The following RERE variants were observed in gnomAD, a reference collection of about 807,000 sequenced individuals.
RERE encodes the protein arginine-glutamic acid dipeptide repeats, also known as arginine-glutamic acid dipeptide repeats protein.
Under a neutral mutation model 146.1 loss-of-function variants are expected in RERE, and 40 were observed. The ratio of observed to expected loss-of-function variants is 0.27; its 90% CI spans 0.21 to 0.36. The LOEUF is 0.36. RERE is among the 10% of genes least tolerant of loss of function. RERE has a pLI of 1.00. For synonymous variants in RERE, 1,003 were observed against 866.0 expected (o/e 1.16, Z -2.78); for missense variants, 1,933 against 2,138.7 (o/e 0.90, Z 1.90).
At chr1:8,711,116 C>T (rs556984409) in intron 1 of RERE, among the ~76,000 whole-genome samples, 1 of 121,964 alleles carries the variant, frequency 8.2e-6, no homozygotes, top group Non-Finnish European at 1.6e-5. Context: ...CAGATCGAGC[C>T]ACTGCACTCC....
At chr1:8,417,426 T>C (rs1044723138) in intron 12 of RERE, among the ~76,000 whole-genome samples, 2 of 152,192 alleles carry the variant, frequency 1.3e-5, no homozygotes, top group Admixed American at 1.3e-4. Context: ...TTTATTAAAT[T>C]AAAAATTTAA....
At chr1:8,813,136 T>TA (rs940365031) in intron 1 of RERE, among the ~76,000 whole-genome samples, 12 of 152,136 alleles carry the variant, frequency 7.9e-5, no homozygotes, top group Non-Finnish European at 1.2e-4. Flanking sequence ...TTCCTGGTAG[T>TA]AAAAAAAGAA....
chr1:8,485,152 G>A (rs1323698416), intron 10 of RERE, among the ~76,000 whole-genome samples: 1 of 152,106 alleles, frequency 6.6e-6, no homozygotes, highest in Non-Finnish European at 1.5e-5. Flanking sequence ...ACCTGATGTA[G>A]GGAGTTCAAG....
intron 12 of RERE, among the ~76,000 whole-genome samples, chr1:8,377,052 T>TA (rs1338214330): frequency 3.3e-5 from 5 of 152,116 alleles, no homozygotes; most frequent in Admixed American, 2.6e-4. Context: ...TCAACTTAAT[T>TA]AAAAAATAAT....
chr1:8,494,198 T>G (rs1214124744), intron 10 of RERE, among the ~76,000 whole-genome samples: 1 of 152,364 alleles, frequency 6.6e-6, no homozygotes, highest in Admixed American at 6.5e-5. Flanking sequence ...CGTGTAAAAC[T>G]TTTTATAGTC....
intron 1 of RERE, among the ~76,000 whole-genome samples, chr1:8,760,770 A>G (rs989680348): frequency 2.0e-5 from 3 of 152,224 alleles, no homozygotes; most frequent in African/African-American, 7.2e-5. Flanking sequence ...AATGAAAACA[A>G]AACACTTTGT....
At chr1:8,502,027 A>G (rs1347114587) in intron 8 of RERE, among the ~76,000 whole-genome samples, 1 of 73,678 alleles carries the variant, frequency 1.4e-5, no homozygotes, top group African/African-American at 5.3e-5. Flanking sequence ...CCCGTCCGGG[A>G]GGGAGGTGGG....
intron 1 of RERE, among the ~76,000 whole-genome samples, chr1:8,747,385 G>A (rs1036474277): frequency 6.6e-6 from 1 of 152,152 alleles, no homozygotes; most frequent in African/African-American, 2.4e-5. Context: ...TGGGAGGTGG[G>A]CAGGGAGAAC....
intron 1 of RERE, among the ~76,000 whole-genome samples, chr1:8,747,318 A>C (rs767656507): frequency 6.6e-6 from 1 of 152,064 alleles, no homozygotes; most frequent in Non-Finnish European, 1.5e-5. Context: ...AACTTTTAAA[A>C]GGATCCTTAG....
At chr1:8,531,009 CTAT>C (rs1331731252) in intron 7 of RERE, among the ~76,000 whole-genome samples, 15 of 25,192 alleles carry the variant, frequency 6.0e-4, no homozygotes, top group African/African-American at 3.2e-3. Context: ...ACTGAGTTTT[CTAT>C]CTATCTATCT....
intron 11 of RERE, among the ~76,000 whole-genome samples, chr1:8,439,862 C>A (rs1644223294): frequency 6.6e-6 from 1 of 151,858 alleles, no homozygotes. Context: ...CACCTGAGGT[C>A]AAAAGTTTGA....
intron 1 of RERE, among the ~76,000 whole-genome samples, chr1:8,773,529 A>G (rs1640996268): frequency 6.6e-6 from 1 of 152,120 alleles, no homozygotes; most frequent in Admixed American, 6.5e-5. Flanking sequence ...CCCCATGTAA[A>G]AAAATACAAA....
intron 7 of RERE, among the ~76,000 whole-genome samples, chr1:8,539,246 A>T (rs1227110999): frequency 6.6e-6 from 1 of 152,228 alleles, no homozygotes; most frequent in East Asian, 1.9e-4. Context: ...GGAAGACATG[A>T]GAAGGTAGCC....
At chr1:8,634,403 T>A (rs1177661677) in intron 2 of RERE, among the ~76,000 whole-genome samples, 1 of 152,234 alleles carries the variant, frequency 6.6e-6, no homozygotes, top group Non-Finnish European at 1.5e-5. Context: ...ATAAAACATC[T>A]TCTACAAAGT....
At chr1:8,764,973 C>A (rs758765580) in intron 1 of RERE, among the ~76,000 whole-genome samples, 2 of 152,300 alleles carry the variant, frequency 1.3e-5, no homozygotes, top group Non-Finnish European at 2.9e-5. Context: ...TTCCATACCC[C>A]CCAAAAATTT....
intron 15 of RERE, 45 bp from the exon 16 acceptor site, chr1:8,362,889 C>T: frequency 1.3e-6 from 2 of 1,577,942 alleles, no homozygotes. Flanking sequence ...TTCCCAGTCC[C>T]CATGTGGACC....
At chr1:8,358,147 T>C (rs1220820109) in intron 20 of RERE, 49 bp downstream of exon 20, 2 of 1,548,780 alleles carry the variant, frequency 1.3e-6, no homozygotes, top group Non-Finnish European at 8.8e-7. Context: ...CATCAGGCTC[T>C]GCACCCCTCC....
At chr1:8,498,018 T>C (rs1047470092) in intron 8 of RERE, among the ~76,000 whole-genome samples, 2 of 152,194 alleles carry the variant, frequency 1.3e-5, no homozygotes, top group African/African-American at 2.4e-5. Flanking sequence ...AATAGCAATA[T>C]AAGTCATGGT....
intron 4 of RERE, among the ~76,000 whole-genome samples, chr1:8,610,513 C>T (rs867406448): frequency 2.0e-5 from 3 of 151,898 alleles, no homozygotes; most frequent in East Asian, 3.9e-4. Context: ...CGCTTGAACC[C>T]GGGAGGCAGA....
Sources: gnomAD v4.1 joint callset for allele counts (sites outside exome capture counted in the v4.1 genomes callset) on GRCh38, gnomAD v4.1.1 for gene constraint, MANE v1.5 for transcripts, NCBI Gene and HGNC (gene_info 2026-07-23, HGNC 2026-07-21) for gene names.